The following IL7 variants were observed in gnomAD, a reference collection of about 807,000 sequenced individuals.
IL7 encodes interleukin 7.
A neutral mutation model predicts 21.6 loss-of-function variants in IL7; 3 were observed. That is an observed-to-expected ratio of 0.14 (90% CI 0.06 to 0.36). The LOEUF is 0.36. Among genes scored for constraint, IL7 ranks in the 10% least tolerant of loss-of-function variants. IL7 has a pLI of 1.00. For missense variants in IL7, 175 were observed against 200.2 expected (o/e 0.87, Z 0.76); for synonymous variants, 62 against 68.1 (o/e 0.91, Z 0.44).
intron 3 of IL7, among the ~76,000 whole-genome samples, chr8:78,696,016 A>G (rs1479227978): frequency 6.6e-6 from 1 of 152,028 alleles, no homozygotes; most frequent in African/African-American, 2.4e-5. Flanking sequence ...ATTTTTGAAA[A>G]TGATAATTTA....
intron 1 of IL7, among the ~76,000 whole-genome samples, chr8:78,803,090 A>G (rs943415120): frequency 6.6e-6 from 1 of 152,190 alleles, no homozygotes; most frequent in Non-Finnish European, 1.5e-5. Context: ...TCCATTTTTT[A>G]AAAAAATATT....
At chr8:78,796,051 A>G (rs374983407) in intron 2 of IL7, among the ~76,000 whole-genome samples, 4 of 152,068 alleles carry the variant, frequency 2.6e-5, no homozygotes, top group African/African-American at 4.8e-5. Flanking sequence ...TTCAGTTTCA[A>G]TCTGATTGAA....
downstream of IL7, chr8:78,675,601 T>A: frequency 3.9e-6 from 2 of 518,876 alleles, no homozygotes; most frequent in Non-Finnish European, 6.7e-6. Flanking sequence ...TATCCTGACC[T>A]TTTTCACCAC....
At chr8:78,770,917 A>T (rs933792075) in intron 2 of IL7, among the ~76,000 whole-genome samples, 1 of 152,054 alleles carries the variant, frequency 6.6e-6, no homozygotes, top group Non-Finnish European at 1.5e-5. Flanking sequence ...AGCACCATGT[A>T]ATTTCTGAAA....
intron 3 of IL7, chr8:78,686,739 GT>G: frequency 1.0e-6 from 1 of 977,104 alleles, no homozygotes; most frequent in Non-Finnish European, 1.3e-6. Context: ...AAAATTTGGT[GT>G]AAAATGGTGG....
chr8:78,719,951 G>A (rs1192160348), intron 5 of IL7, among the ~76,000 whole-genome samples: 4 of 151,662 alleles, frequency 2.6e-5, no homozygotes, highest in Non-Finnish European at 5.9e-5. Flanking sequence ...AGTGTTTTCT[G>A]ACATCAAAGT....
intron 4 of IL7, among the ~76,000 whole-genome samples, chr8:78,683,250 A>T (rs1402445829): frequency 8.5e-5 from 13 of 152,200 alleles, no homozygotes; most frequent in Non-Finnish European, 1.6e-4. Flanking sequence ...TGTGGACTCC[A>T]ATCTCTTATT....
At chr8:78,799,230 T>C (rs1286213040) in intron 1 of IL7, among the ~76,000 whole-genome samples, 4 of 152,076 alleles carry the variant, frequency 2.6e-5, no homozygotes, top group Non-Finnish European at 5.9e-5. Context: ...TGATTAAGAG[T>C]ACAAGCAACA....
intron 2 of IL7, among the ~76,000 whole-genome samples, chr8:78,774,085 A>G (rs1000148862): frequency 1.4e-5 from 2 of 145,356 alleles, no homozygotes; most frequent in African/African-American, 5.2e-5. Flanking sequence ...CAGAGAAAAG[A>G]AAAAAAAACA....
intron 1 of IL7, among the ~76,000 whole-genome samples, chr8:78,798,710 A>G (rs1361871658): frequency 2.0e-5 from 3 of 151,940 alleles, no homozygotes; most frequent in African/African-American, 7.2e-5. Flanking sequence ...CACTGTAACT[A>G]CTGTAAGTGC....
At chr8:78,705,820 G>A (rs1408948995) in intron 3 of IL7, among the ~76,000 whole-genome samples, 3 of 152,172 alleles carry the variant, frequency 2.0e-5, no homozygotes, top group African/African-American at 4.8e-5. Context: ...CCAGTGAGGA[G>A]GGGCAATATT....
At chr8:78,687,476 A>AT in intron 3 of IL7, among the ~76,000 whole-genome samples, 1 of 145,122 alleles carries the variant, frequency 6.9e-6, no homozygotes, top group East Asian at 2.0e-4. Flanking sequence ...ATATATATTT[A>AT]TATATAATTA....
intron 3 of IL7, among the ~76,000 whole-genome samples, chr8:78,739,332 C>A (rs915025576): frequency 6.6e-6 from 1 of 152,144 alleles, no homozygotes; most frequent in Admixed American, 6.6e-5. Context: ...ACGCTTCCAA[C>A]TAAATTATAC....
At chr8:78,708,413 C>T (rs551068283) in intron 3 of IL7, among the ~76,000 whole-genome samples, 4 of 152,166 alleles carry the variant, frequency 2.6e-5, no homozygotes, top group African/African-American at 9.6e-5. Context: ...TGCAGTGCCT[C>T]ACACCTGTAA....
rs957236909 is a variant in IL7 at position 78,724,901 on chromosome 8, T to C, written n.268-3461A>G. The stretch of plus-strand genomic sequence containing the variant: ...TTATCGTTTATTGGCTCAGATACCA[T>C]ATTTTAAGTAGAAAACATTGGACAA... On this transcript the variant is annotated intron_variant and non_coding_transcript_variant, in intron 3 of 6. Coordinates refer to the IL7 transcript ENST00000519833. Among the ~76,000 whole-genome samples the C allele has an allele frequency of 7.9e-5, 12 of 152,152 alleles. 1 individual carries two copies. Among genetic ancestry groups the C allele is most frequent in the Middle Eastern group, 3.4e-3 (1 of 294 alleles).
chr8:78,739,821 C>T (rs982158532), intron 3 of IL7, among the ~76,000 whole-genome samples, 181 bp downstream of exon 3: 1 of 151,696 alleles, frequency 6.6e-6, no homozygotes, highest in African/African-American at 2.4e-5. Context: ...ATTTAATAAG[C>T]ACAGGACTAT....
At chr8:78,797,945 A>C (rs1314538298) in intron 2 of IL7, 127 bp downstream of exon 2, 2 of 650,776 alleles carry the variant, frequency 3.1e-6, no homozygotes, top group Non-Finnish European at 5.1e-6. Flanking sequence ...AGCTCATTAA[A>C]TTTTATTCTA....
At chr8:78,728,194 T>C (rs1811367548), downstream of IL7, among the ~76,000 whole-genome samples, 1 of 152,006 alleles carries the variant, frequency 6.6e-6, no homozygotes, top group African/African-American at 2.4e-5. Flanking sequence ...ACAGATGCCA[T>C]TTCTTCCCCA....
chr8:78,790,393 C>A (rs1232626316), intron 2 of IL7, among the ~76,000 whole-genome samples: 1 of 151,990 alleles, frequency 6.6e-6, no homozygotes, highest in Non-Finnish European at 1.5e-5. Flanking sequence ...ATATTTAATT[C>A]ATAACAAATT....
Sources: gnomAD v4.1 joint callset for allele counts (sites outside exome capture counted in the v4.1 genomes callset) on GRCh38, gnomAD v4.1.1 for gene constraint, MANE v1.5 for transcripts, NCBI Gene and HGNC (gene_info 2026-07-23, HGNC 2026-07-21) for gene names.